The following SNX20 variants were observed in gnomAD, a reference collection of about 807,000 sequenced individuals.
SNX20 encodes the protein sorting nexin 20, also known as sorting nexin-20.
SNX20 carries 21 observed loss-of-function variants against 24.5 expected under a neutral mutation model. That is an observed-to-expected ratio of 0.86 (90% CI 0.61 to 1.23). SNX20 has a LOEUF of 1.23. Ranked by LOEUF, SNX20 falls within the 50% of genes most tolerant of loss-of-function variation. The pLI is 0.00. For synonymous variants in SNX20, 206 were observed against 192.8 expected (o/e 1.07, Z -0.57); for missense variants, 433 against 430.8 (o/e 1.00, Z -0.04).
intron 1 of SNX20, among the ~76,000 whole-genome samples, 175 bp from the exon 2 acceptor site, chr16:50,677,710 C>G (rs1249794445): frequency 1.3e-5 from 2 of 152,210 alleles, no homozygotes; most frequent in African/African-American, 4.8e-5. Flanking sequence ...CTGGGTCTGC[C>G]CCTTTGCTGG....
chr16:50,674,890 C>T (rs554996307), intron 3 of SNX20, among the ~76,000 whole-genome samples: 2 of 152,296 alleles, frequency 1.3e-5, no homozygotes, highest in South Asian at 4.1e-4. Context: ...ATAACCCATG[C>T]ATCTGACTCC....
Position 50,680,816 on chromosome 16 carries a change from C to T in SNX20, c.-10+374G>A, listed in dbSNP as rs187576765. On this transcript the variant is annotated intron_variant, in intron 1 of 3. Transcript: ENST00000330943. ...CAGGGGCTTGTCCAAGAGCAGGTTT[C>T]CTGGCTGCTAACATAGGAAGGTGCC... 6.1e-4 allele frequency among the ~76,000 whole-genome samples: 93 copies of T among 152,294 alleles called. 1 individual carries two copies. Among genetic ancestry groups the T allele is most frequent in the African/African-American group, 2.0e-3 (85 of 41,564 alleles).
downstream of SNX20, chr16:50,668,788 G>C (rs1962974274): frequency 8.1e-7 from 1 of 1,230,992 alleles, no homozygotes; most frequent in Non-Finnish European, 1.0e-6. Context: ...CCAGCAGGTG[G>C]AACTGGTTTT....
chr16:50,673,653 A>G lies in SNX20; in HGVS notation c.704T>C (p.Leu235Pro). The change falls in exon 4 of 4, where the codon CTG becomes CCG. Residue 235 changes from leucine (L) to proline (P), a missense_variant. By Grantham distance (98) the Leu-to-Pro change is moderately conservative. Coordinates refer to ENST00000330943, the MANE Select transcript of SNX20 (RefSeq NM_182854.4). This position sits in a 1 kb window ranked among gnomAD's most constrained non-coding sequence, Gnocchi z 4.1. ...GGGGCGGTCGAGGTCGCGGTGGCAC[A>G]GCAGCACGGCGCACAGGGCCGGGAC... The part of the protein sequence containing the change: ...AAVPALCAVL[L>P]CHRDLDRPAE... 6.6e-7 allele frequency: 1 copy of G among 1,518,296 alleles called. No individual in the cohort carries two copies. 94.1% of individuals were successfully genotyped at this position (1,518,296 alleles called of 1,614,324 possible).
downstream of SNX20, chr16:50,670,420 G>A (rs1426895509): frequency 6.6e-6 from 1 of 152,216 alleles, no homozygotes; most frequent in African/African-American, 2.4e-5. Context: ...GAAATTCTGT[G>A]TTCCTAACAA....
At chr16:50,675,212 A>G (rs369160140) in intron 3 of SNX20, among the ~76,000 whole-genome samples, 3 of 152,328 alleles carry the variant, frequency 2.0e-5, no homozygotes, top group East Asian at 1.9e-4. Context: ...ATTCCATTCT[A>G]ACAGGGAGAG....
At chr16:50,677,363 C>T in intron 2 of SNX20, 34 bp downstream of exon 2, 1 of 1,538,438 alleles carries the variant, frequency 6.5e-7, no homozygotes, top group East Asian at 2.4e-5. Context: ...CTTCAGACCT[C>T]TCCCCCAGAC....
downstream of SNX20, chr16:50,667,977 C>T (rs1368999982): frequency 6.5e-7 from 1 of 1,547,252 alleles, no homozygotes; most frequent in Non-Finnish European, 8.7e-7. Context: ...CAGGCTTCGA[C>T]CAGCCCAGAA....
Position 50,673,863 on chromosome 16 carries a change from A to G in SNX20, c.494T>C (p.Leu165Pro). The change falls in exon 4 of 4, where the codon CTG becomes CCG. Residue 165 changes from leucine (L) to proline (P), a missense_variant. Transcript: ENST00000330943. This position sits in a 1 kb window ranked among gnomAD's most constrained non-coding sequence, Gnocchi z 4.1. The part of the protein sequence containing the change: ...CERRRALQEY[L>P]GLLYAIRCVR... The stretch of plus-strand genomic sequence containing the variant: ...GCAGCGGATGGCGTAGAGCAGGCCC[A>G]GGTACTCCTGCAGGGCGCGCCGACG... 1 of 1,606,060 alleles carries G rather than the reference A, an allele frequency of 6.2e-7. No individual in the cohort carries two copies. Among genetic ancestry groups the G allele is most frequent in the Non-Finnish European group, 8.5e-7 (1 of 1,179,474 alleles).
At chr16:50,667,997 C>T (rs919530005), downstream of SNX20, 1 of 1,551,254 alleles carries the variant, frequency 6.4e-7, no homozygotes. Flanking sequence ...ACGCTCGCTC[C>T]ATCTGAGGGT....
chr16:50,667,951 G>A, downstream of SNX20: 2 of 1,485,366 alleles, frequency 1.3e-6, no homozygotes. Flanking sequence ...ACCCACTCAA[G>A]GACATACTGC....
intron 1 of SNX20, 32 bp from the exon 2 acceptor site, chr16:50,677,567 C>A: frequency 6.7e-7 from 1 of 1,490,272 alleles, no homozygotes; most frequent in South Asian, 1.3e-5. Flanking sequence ...AGTGAGGACC[C>A]ACTCCAGTTG....
At chr16:50,668,989 C>T, downstream of SNX20, 1 of 1,549,780 alleles carries the variant, frequency 6.5e-7, no homozygotes, top group Non-Finnish European at 8.7e-7. Context: ...CTGGATGACC[C>T]CTAAGAGCTT....
At position 50,672,303 on chromosome 16, in the gene SNX20, G is replaced by A. The variant is rs1963067371; in HGVS notation, c.*1103C>T. The A allele has an allele frequency of 6.6e-6, 1 of 152,250 alleles. No individual in the cohort carries two copies. Among genetic ancestry groups the A allele is most frequent in the East Asian group, 1.9e-4 (1 of 5,194 alleles). The allele number at this position is 152,250 out of a possible 1,614,324, so 9.4% of individuals were successfully genotyped here. A position where few individuals can be genotyped will look rare whatever the true frequency, so the allele number is the denominator to read the frequency against. On this transcript the variant is annotated 3_prime_UTR_variant, in exon 4 of 4. Coordinates refer to ENST00000330943, the MANE Select transcript of SNX20 (RefSeq NM_182854.4). The stretch of plus-strand genomic sequence containing the variant: ...CCCCAGGCTGTTTCTACATAACCCA[G>A]GGAAGCCATTCAGGGAACAGCTGCC...
chr16:50,667,815 A>G (rs1435982779), downstream of SNX20: 1 of 622,116 alleles, frequency 1.6e-6, no homozygotes, highest in Non-Finnish European at 2.9e-6. Flanking sequence ...TGTGCCTCCC[A>G]GCCTGGAGCT....
At position 50,675,812 on chromosome 16, in the gene SNX20, G is replaced by C. The variant is rs6596; in HGVS notation, c.240C>G (p.Ile80Met). The C allele has an allele frequency of 1.2e-6, 2 of 1,613,376 alleles. No homozygotes were observed. Among genetic ancestry groups the C allele is most frequent in the Admixed American group, 1.7e-5 (1 of 59,830 alleles). ...TTCTCTCCTCGATGCGAGCTGAAGC[G>C]ATCTCAAAGAGCAGTTTGACGTGCT... ...RWKHVKLLFE[I>M]ASARIEERKV... Residue 80 changes from isoleucine to methionine, a missense_variant, in exon 3 of 4, where the codon ATC (isoleucine) becomes ATG (methionine). Ile to Met is a conservative substitution (Grantham distance 10). Coordinates refer to ENST00000330943, the MANE Select transcript of SNX20 (RefSeq NM_182854.4).
chr16:50,676,649 C>T (rs1051271473), intron 2 of SNX20, among the ~76,000 whole-genome samples: 1 of 152,236 alleles, frequency 6.6e-6, no homozygotes, highest in Non-Finnish European at 1.5e-5. Context: ...TGCCCCTTGG[C>T]ATTAGAGTAA....
chr16:50,679,184 G>A (rs1963244331), intron 1 of SNX20, among the ~76,000 whole-genome samples: 1 of 152,174 alleles, frequency 6.6e-6, no homozygotes, highest in Admixed American at 6.5e-5. Context: ...GTTGGATTCT[G>A]GGCTCTTGGT....
intron 3 of SNX20, 67 bp downstream of exon 3, chr16:50,675,703 A>C (rs1963164384): frequency 6.3e-7 from 1 of 1,588,126 alleles, no homozygotes; most frequent in Admixed American, 1.9e-5. Context: ...AGGCTCTACA[A>C]GACTTATTCA....
Sources: allele counts gnomAD v4.1 joint callset (sites outside exome capture counted in the v4.1 genomes callset), GRCh38; gene constraint gnomAD v4.1.1; non-coding constraint Gnocchi (gnomAD v3.1); transcripts MANE v1.5; gene names NCBI Gene and HGNC (gene_info 2026-07-23, HGNC 2026-07-21).